The following DNER variants were observed in gnomAD, a reference collection of about 807,000 sequenced individuals.
DNER encodes the protein delta/notch like EGF repeat containing.
A neutral mutation model predicts 78.2 loss-of-function variants in DNER; 33 were observed. The ratio of observed to expected loss-of-function variants is 0.42; its 90% CI spans 0.32 to 0.56. The LOEUF is 0.56. Ranked by LOEUF, DNER falls within the 20% of genes least tolerant of loss-of-function variation. DNER has a pLI of 0.11. For missense variants in DNER, 918 were observed against 975.3 expected, an observed-to-expected ratio of 0.94 and a Z score of 0.78; for synonymous variants, 417 against 384.8, an observed-to-expected ratio of 1.08 and a Z score of -0.98.
intron 1 of DNER, among the ~76,000 whole-genome samples, chr2:229,617,670 C>G (rs1698189313): frequency 6.6e-6 from 1 of 152,160 alleles, no homozygotes; most frequent in Non-Finnish European, 1.5e-5. Context: ...GTCAGAAATT[C>G]AGGCTGGGCA....
intron 5 of DNER, among the ~76,000 whole-genome samples, chr2:229,517,833 G>C (rs1474764041): frequency 6.6e-6 from 1 of 152,194 alleles, no homozygotes; most frequent in African/African-American, 2.4e-5. Context: ...CCCACAGCAA[G>C]AAACTATCCA....
Position 229,628,675 on chromosome 2 carries a change from C to T in DNER, c.277-36787G>A, listed in dbSNP as rs760721453. On this transcript the variant is annotated intron_variant, in intron 1 of 12. Coordinates refer to ENST00000341772, the MANE Select transcript of DNER (RefSeq NM_139072.4). ...AGGGCCAGTGCACTGACCATGGTAA[C>T]GCTACAGAGAGGACCTGCAATCCTC... Among the ~76,000 whole-genome samples, 8 of 152,240 alleles carry T rather than the reference C, an allele frequency of 5.3e-5. No individual in the cohort carries two copies. The East Asian group carries it at 9.7e-4, about 18-fold the overall frequency.
At chr2:229,397,897 C>T (rs769589501) in intron 10 of DNER, among the ~76,000 whole-genome samples, 4 of 152,022 alleles carry the variant, frequency 2.6e-5, no homozygotes, top group African/African-American at 7.2e-5. Flanking sequence ...ATTTATAGCA[C>T]TAAAATGCAT....
chr2:229,522,158 C>T (rs1262122864), intron 5 of DNER, among the ~76,000 whole-genome samples: 1 of 152,168 alleles, frequency 6.6e-6, no homozygotes, highest in Non-Finnish European at 1.5e-5. Flanking sequence ...TAATGAGAGT[C>T]CTGCTCTTTC....
chr2:229,552,401 G>T (rs185162664), intron 4 of DNER, among the ~76,000 whole-genome samples: 4 of 152,306 alleles, frequency 2.6e-5, no homozygotes, highest in Admixed American at 2.0e-4. Context: ...GTGCTGCTAT[G>T]GTTTGGCTGT....
At chr2:229,435,617 A>G (rs1694106667) in intron 8 of DNER, among the ~76,000 whole-genome samples, 1 of 152,196 alleles carries the variant, frequency 6.6e-6, no homozygotes, top group Admixed American at 6.5e-5. Context: ...TCAAAATAGT[A>G]CCACCAGGTA....
intron 12 of DNER, among the ~76,000 whole-genome samples, chr2:229,362,866 G>A (rs375774500): frequency 6.6e-6 from 1 of 152,170 alleles, no homozygotes; most frequent in East Asian, 1.9e-4. Context: ...TATAAGGCAG[G>A]TCAAAGAGCC....
chr2:229,422,328 A>AT (rs1693784931), intron 8 of DNER, among the ~76,000 whole-genome samples: 1 of 152,216 alleles, frequency 6.6e-6, no homozygotes, highest in Non-Finnish European at 1.5e-5. Flanking sequence ...TAATCCAAAG[A>AT]TTTTTTAAAA....
chr2:229,622,763 G>A (rs1047862395), intron 1 of DNER, among the ~76,000 whole-genome samples: 1 of 152,142 alleles, frequency 6.6e-6, no homozygotes, highest in African/African-American at 2.4e-5. Context: ...ACAGAAGCTG[G>A]AGACAGACAA....
At chr2:229,542,845 A>C (rs1696542907) in intron 5 of DNER, among the ~76,000 whole-genome samples, 1 of 151,706 alleles carries the variant, frequency 6.6e-6, no homozygotes, top group Non-Finnish European at 1.5e-5. Context: ...GTCCCCCCAG[A>C]CATTTCTCTC....
chr2:229,673,277 C>A (rs966751797), intron 1 of DNER, among the ~76,000 whole-genome samples: 1 of 152,118 alleles, frequency 6.6e-6, no homozygotes, highest in Admixed American at 6.6e-5. Context: ...ATTGGAAGAG[C>A]GTGGAAACTG....
intron 1 of DNER, among the ~76,000 whole-genome samples, chr2:229,672,910 T>A (rs552194531): frequency 6.6e-6 from 1 of 152,320 alleles, no homozygotes; most frequent in East Asian, 1.9e-4. Flanking sequence ...AAGGAGCATC[T>A]CACAGGACTA....
intron 10 of DNER, among the ~76,000 whole-genome samples, chr2:229,398,869 A>G (rs942030264): frequency 6.6e-6 from 1 of 152,068 alleles, no homozygotes; most frequent in African/African-American, 2.4e-5. Flanking sequence ...GACAAAATTC[A>G]ATACCAATTT....
At chr2:229,473,008 G>C (rs919329490) in intron 7 of DNER, among the ~76,000 whole-genome samples, 2 of 152,180 alleles carry the variant, frequency 1.3e-5, no homozygotes, top group African/African-American at 4.8e-5. Context: ...CACAGAGACA[G>C]TACCCAGAAC....
intron 6 of DNER, among the ~76,000 whole-genome samples, chr2:229,486,833 TG>T (rs1275532204): frequency 6.6e-6 from 1 of 152,206 alleles, no homozygotes; most frequent in Admixed American, 6.5e-5. Context: ...CAGCCCTGCC[TG>T]GGAACTCGTT....
At chr2:229,637,427 T>C (rs1559191037) in intron 1 of DNER, among the ~76,000 whole-genome samples, 1 of 152,236 alleles carries the variant, frequency 6.6e-6, no homozygotes, top group Non-Finnish European at 1.5e-5. Context: ...TTTTGTGAGC[T>C]GTTGTTAAGA....
At chr2:229,561,105 G>T (rs1483158374) in intron 4 of DNER, among the ~76,000 whole-genome samples, 1 of 152,106 alleles carries the variant, frequency 6.6e-6, no homozygotes, top group Non-Finnish European at 1.5e-5. Context: ...AGAGCAAATT[G>T]CTTTTTGGAA....
At chr2:229,509,266 C>A (rs1358297198) in intron 6 of DNER, among the ~76,000 whole-genome samples, 5 of 152,168 alleles carry the variant, frequency 3.3e-5, no homozygotes, top group African/African-American at 1.2e-4. Context: ...AAACCTCCAC[C>A]AGCCAGCTCT....
chr2:229,426,440 CAAAAAA>C (rs58842918), intron 8 of DNER, among the ~76,000 whole-genome samples: 3 of 69,210 alleles, frequency 4.3e-5, no homozygotes, highest in East Asian at 5.4e-4. Flanking sequence ...GACTCCATCT[CAAAAAA>C]AAAAAAAAAA....
Sources: gnomAD v4.1 joint callset for allele counts (sites outside exome capture counted in the v4.1 genomes callset) on GRCh38, gnomAD v4.1.1 for gene constraint, MANE v1.5 for transcripts, NCBI Gene and HGNC (gene_info 2026-07-23, HGNC 2026-07-21) for gene names.